Variants in EPS15 observed in about 807,000 individuals in gnomAD.
The protein encoded by EPS15 is epidermal growth factor receptor substrate 15.
A neutral mutation model predicts 113.8 loss-of-function variants in EPS15; 72 were observed. That is an observed-to-expected ratio of 0.63 (90% CI 0.52 to 0.77). The LOEUF is 0.77. Among genes scored for constraint, EPS15 ranks in the 30% least tolerant of loss-of-function variants. EPS15 has a pLI of 0.00. For synonymous variants in EPS15, 344 were observed against 363.4 expected, an observed-to-expected ratio of 0.95 and a Z score of 0.61; for missense variants, 1,048 against 1,045.8, an observed-to-expected ratio of 1.00 and a Z score of -0.03.
intron 1 of EPS15, among the ~76,000 whole-genome samples, chr1:51,485,932 G>C (rs972063106): frequency 6.6e-6 from 1 of 151,918 alleles, no homozygotes; most frequent in Non-Finnish European, 1.5e-5. Flanking sequence ...CAAGTAGCTG[G>C]GATTACAGGT....
Position 51,456,788 on chromosome 1 carries a change from TAA to T in EPS15, c.561+4301_561+4302del, listed in dbSNP as rs1654028082. ...GCTATCTTGCAGTAATTATAATTTT[TAA>T]AAAGAGTACAGATTATGTTGCTCTA... On this transcript the variant is annotated intron_variant, in intron 8 of 24. Transcript: ENST00000371733. Among the ~76,000 whole-genome samples, 3 of 152,300 alleles carry T rather than the reference TAA, an allele frequency of 2.0e-5. No homozygotes were observed. In the South Asian group the frequency reaches 6.2e-4, roughly 32 times the overall value.
At chr1:51,414,785 A>G (rs997049433) in intron 13 of EPS15, among the ~76,000 whole-genome samples, 4 of 152,264 alleles carry the variant, frequency 2.6e-5, no homozygotes, top group African/African-American at 2.4e-5. Flanking sequence ...GTCACACAAT[A>G]TAAGAAAATG....
chr1:51,441,193 A>T (rs1190375256), intron 11 of EPS15, among the ~76,000 whole-genome samples: 1 of 152,104 alleles, frequency 6.6e-6, no homozygotes, highest in Non-Finnish European at 1.5e-5. Flanking sequence ...TACAAGTTAA[A>T]TGAAATAATG....
chr1:51,441,160 A>T (rs1319807561), intron 11 of EPS15, among the ~76,000 whole-genome samples: 2 of 152,092 alleles, frequency 1.3e-5, no homozygotes, highest in Admixed American at 1.3e-4. Flanking sequence ...AAAATAGGGA[A>T]ATAATCTCTG....
rs1051890008 is a variant in EPS15 at position 51,513,109 on chromosome 1, G to C, written c.33+6090C>G. ...GCCTCCCAAAGCACTGGAATTATAG[G>C]CCTGAGCCACTATGCCTACCCCAAA... On this transcript the variant is annotated intron_variant, in intron 1 of 24. Coordinates refer to ENST00000371733, the MANE Select transcript of EPS15 (RefSeq NM_001981.3). 2.0e-4 allele frequency among the ~76,000 whole-genome samples: 30 copies of C among 151,960 alleles called. 1 individual carries two copies. Among genetic ancestry groups the C allele is most frequent in the Non-Finnish European group, 2.1e-4 (14 of 68,004 alleles).
At chr1:51,495,531 G>A (rs1320415499) in intron 1 of EPS15, among the ~76,000 whole-genome samples, 1 of 151,630 alleles carries the variant, frequency 6.6e-6, no homozygotes, top group Non-Finnish European at 1.5e-5. Flanking sequence ...TAAGAAATAT[G>A]CCCATACAAA....
intron 21 of EPS15, among the ~76,000 whole-genome samples, chr1:51,375,638 CAT>C (rs1646779327): frequency 6.6e-6 from 1 of 152,146 alleles, no homozygotes; most frequent in South Asian, 2.1e-4. Context: ...AACCTATATA[CAT>C]ATCTCTTTTT....
In EPS15 at chr1:51,461,161, G is replaced by T. The variant is rs1036145691; in HGVS notation, c.502-11C>A. ...ACTCAACTCCCAAACCTTAAAAAGA[G>T]AATAATTGAAAAAAGATTAATGTTC... On this transcript the variant is annotated splice_polypyrimidine_tract_variant and intron_variant, in intron 7 of 24. Coordinates refer to ENST00000371733, the MANE Select transcript of EPS15 (RefSeq NM_001981.3). The T allele has an allele frequency of 2.6e-6, 4 of 1,566,290 alleles. No individual in the cohort carries two copies. Among genetic ancestry groups the T allele is most frequent in the Non-Finnish European group, 3.5e-6 (4 of 1,137,462 alleles).
chr1:51,426,643 TGATGGCATTAA>T (rs1335472591), intron 12 of EPS15, among the ~76,000 whole-genome samples: 1 of 151,662 alleles, frequency 6.6e-6, no homozygotes, highest in East Asian at 1.9e-4. Context: ...TCCAATCACT[TGATGGCATTAA>T]GAAAAGATGA....
Position 51,408,170 on chromosome 1 carries a change from G to A in EPS15, c.1438C>T (p.Gln480Ter), listed in dbSNP as rs928506169. The A allele has an allele frequency of 1.2e-6, 2 of 1,614,148 alleles. No individual in the cohort carries two copies. The highest frequency in any genetic ancestry group is 1.1e-5 in the South Asian group (1 of 91,088). Residue 480 changes from glutamine (Q) to a stop codon, truncating the protein, a stop_gained, in exon 15 of 25, where the codon CAG (glutamine) becomes TAG (stop). Transcript: ENST00000371733. LOFTEE classifies it high-confidence loss of function. ...TCCTGTTGTGAATCTTGTAGGTGCTGCTGAAGAGGTTCCAACTGAGCCTTC... is the reference window on the plus strand; with the variant it reads ...TCCTGTTGTGAATCTTGTAGGTGCTACTGAAGAGGTTCCAACTGAGCCTTC... ...SGKAQLEPLQ[Q>*]HLQDSQQEIS...
chr1:51,464,242 AT>A (rs11375231), intron 6 of EPS15, among the ~76,000 whole-genome samples: 23 of 146,002 alleles, frequency 1.6e-4, no homozygotes, highest in African/African-American at 4.5e-4. Flanking sequence ...AATAAATAAA[AT>A]TTTTTTTTTT....
rs574409223 is a variant in EPS15 at position 51,418,329 on chromosome 1, G to C, written c.1113+3457C>G. ...CCTTGGCAAAGTCAATGGAAGCAAA[G>C]GTTCAGAGAGGTAGGAAGATATCCA... On this transcript the variant is annotated intron_variant, in intron 13 of 24. Transcript: ENST00000371733. 4.8e-3 allele frequency among the ~76,000 whole-genome samples: 726 copies of C among 152,186 alleles called. 4 individuals are homozygous for C. Among genetic ancestry groups the C allele is most frequent in the Middle Eastern group, 0.01 (3 of 294 alleles).
At chr1:51,460,166 A>G (rs1031629197) in intron 8 of EPS15, among the ~76,000 whole-genome samples, 1 of 152,226 alleles carries the variant, frequency 6.6e-6, no homozygotes, top group African/African-American at 2.4e-5. Flanking sequence ...ACAAATTTGT[A>G]GCAACAAGTT....
chr1:51,508,344 G>GAAAGA (rs1161308811), intron 1 of EPS15, among the ~76,000 whole-genome samples: 1 of 129,548 alleles, frequency 7.7e-6, no homozygotes, highest in Non-Finnish European at 1.7e-5. Context: ...AAGAGAGAAA[G>GAAAGA]AAAGAAAGAA....
At chr1:51,450,730 C>A (rs1489920553) in intron 8 of EPS15, among the ~76,000 whole-genome samples, 1 of 151,808 alleles carries the variant, frequency 6.6e-6, no homozygotes, top group Non-Finnish European at 1.5e-5. Flanking sequence ...ATCTGGGAAT[C>A]TATCCATATG....
intron 1 of EPS15, among the ~76,000 whole-genome samples, chr1:51,512,918 T>C (rs1475198421): frequency 2.7e-5 from 4 of 150,332 alleles, no homozygotes; most frequent in Non-Finnish European, 5.9e-5. Flanking sequence ...GGTGCAATTA[T>C]AGCTCACTGT....
At chr1:51,466,401 C>T (rs1262907483) in intron 5 of EPS15, among the ~76,000 whole-genome samples, 2 of 151,640 alleles carry the variant, frequency 1.3e-5, no homozygotes, top group Non-Finnish European at 2.9e-5. Flanking sequence ...GTGGGCAGAT[C>T]ACCTGAGGTC....
intron 21 of EPS15, among the ~76,000 whole-genome samples, chr1:51,388,738 G>T (rs1471221564): frequency 6.6e-6 from 1 of 152,054 alleles, no homozygotes; most frequent in Non-Finnish European, 1.5e-5. Flanking sequence ...TAAATTCCTC[G>T]ACACATACAC....
chr1:51,374,996 C>CTTTTTTTTT (rs761941054), intron 21 of EPS15, among the ~76,000 whole-genome samples: 2 of 108,772 alleles, frequency 1.8e-5, no homozygotes, highest in African/African-American at 3.7e-5. Flanking sequence ...TAATATACTT[C>CTTTTTTTTT]TTTTTTTTTT....
Sources: gnomAD v4.1 joint callset for allele counts (sites outside exome capture counted in the v4.1 genomes callset) on GRCh38, gnomAD v4.1.1 for gene constraint, MANE v1.5 for transcripts, NCBI Gene and HGNC (gene_info 2026-07-23, HGNC 2026-07-21) for gene names.